FUT8: variants seen among roughly 807,000 people sequenced by gnomAD.
The protein encoded by FUT8 is fucosyltransferase 8.
A neutral mutation model predicts 71.3 loss-of-function variants in FUT8; 29 were observed. The ratio of observed to expected loss-of-function variants is 0.41; its 90% CI spans 0.30 to 0.55. The LOEUF (loss-of-function observed/expected upper bound fraction) is 0.55. Ranked by LOEUF, FUT8 falls within the 20% of genes least tolerant of loss-of-function variation. The pLI, the probability that FUT8 is intolerant of heterozygous loss-of-function variation, is 0.34. For synonymous variants in FUT8, 254 were observed against 239.3 expected, an observed-to-expected ratio of 1.06 and a Z score of -0.57; for missense variants, 544 against 702.1, an observed-to-expected ratio of 0.77 and a Z score of 2.55.
the FUT8 span, among the ~76,000 whole-genome samples, chr14:65,393,144 T>C: frequency 6.6e-6 from 1 of 152,318 alleles, no homozygotes; most frequent in East Asian, 1.9e-4. Context: ...CTGAGAGTTC[T>C]TGCTATGCTG....
At chr14:65,542,714 T>C (rs756567248) in intron 2 of FUT8, among the ~76,000 whole-genome samples, 7 of 152,232 alleles carry the variant, frequency 4.6e-5, no homozygotes, top group Non-Finnish European at 8.8e-5. Flanking sequence ...GAATCTATTG[T>C]TCTTTAGAAA....
At chr14:65,450,483 C>T (rs947278505) in intron 1 of FUT8, among the ~76,000 whole-genome samples, 9 of 152,108 alleles carry the variant, frequency 5.9e-5, no homozygotes, top group East Asian at 3.8e-4. Context: ...TTGTAACGTT[C>T]GACTGAATTC....
At chr14:65,454,905 G>T (rs540691086) in intron 1 of FUT8, among the ~76,000 whole-genome samples, 33 of 152,264 alleles carry the variant, frequency 2.2e-4, no homozygotes, top group African/African-American at 5.5e-4. Flanking sequence ...TAGGAGAAGG[G>T]CCCCTGATCA....
At chr14:65,421,747 C>CCCCCCCTT (rs57713947) in intron 1 of FUT8, among the ~76,000 whole-genome samples, 4 of 79,210 alleles carry the variant, frequency 5.0e-5, no homozygotes, top group African/African-American at 2.0e-4. Context: ...CCACCCCCCC[C>CCCCCCCTT]TTTTTTTTTT....
chr14:65,534,290 TTTTTA>T (rs1283139866), intron 2 of FUT8, among the ~76,000 whole-genome samples: 2 of 148,084 alleles, frequency 1.4e-5, no homozygotes, highest in African/African-American at 2.4e-5. Context: ...GCCTGGCTAA[TTTTTA>T]TTTTATTTTA....
intron 7 of FUT8, among the ~76,000 whole-genome samples, chr14:65,700,858 G>T (rs1219372023): frequency 6.6e-6 from 1 of 152,068 alleles, no homozygotes; most frequent in Non-Finnish European, 1.5e-5. Context: ...TCATTTGGGG[G>T]GATCACCACT....
At chr14:65,591,924 A>G (rs748127421) in intron 3 of FUT8, among the ~76,000 whole-genome samples, 9 of 151,668 alleles carry the variant, frequency 5.9e-5, no homozygotes, top group Non-Finnish European at 1.3e-4. Flanking sequence ...GGCAAGTCAC[A>G]TACTGTAACA....
chr14:65,522,872 T>C (rs9972252), intron 2 of FUT8, among the ~76,000 whole-genome samples: 1 of 152,162 alleles, frequency 6.6e-6, no homozygotes, highest in African/African-American at 2.4e-5. Context: ...GGTTTCCAGC[T>C]TCATCCACAT....
chr14:65,726,560 A>G (rs778669170), intron 9 of FUT8, among the ~76,000 whole-genome samples: 2 of 152,220 alleles, frequency 1.3e-5, no homozygotes, highest in East Asian at 1.9e-4. Context: ...CGAGAACACC[A>G]GGGGAAAGAT....
At chr14:65,632,330 CA>C (rs1404979685) in intron 6 of FUT8, among the ~76,000 whole-genome samples, 1 of 152,206 alleles carries the variant, frequency 6.6e-6, no homozygotes, top group African/African-American at 2.4e-5. Context: ...GTGCTAGTTA[CA>C]TTCCCACCAG....
intron 6 of FUT8, among the ~76,000 whole-genome samples, chr14:65,634,130 AG>A (rs1241936671): frequency 6.6e-6 from 1 of 152,082 alleles, no homozygotes; most frequent in African/African-American, 2.4e-5. Context: ...AAGGGGGGAA[AG>A]GTGGGGAAAA....
chr14:65,652,969 A>AT lies in FUT8; in HGVS notation c.598-16268dup, dbSNP rs1029174070. The stretch of plus-strand genomic sequence containing the variant: ...AGTATTGCAACTTCAAGGTAGTAGG[A>AT]TTTTTTACAAGGTAGCTGAGGGCTC... On this transcript the variant is annotated intron_variant, in intron 6 of 10. Transcript: ENST00000673929. This position sits in a 1 kb window ranked among gnomAD's most constrained non-coding sequence, Gnocchi z 4.0. Among the ~76,000 whole-genome samples, 2 of 152,228 alleles carry AT rather than the reference A, an allele frequency of 1.3e-5. No individual in the cohort carries two copies. Among genetic ancestry groups the AT allele is most frequent in the African/African-American group, 2.4e-5 (1 of 41,528 alleles).
intron 1 of FUT8, among the ~76,000 whole-genome samples, chr14:65,433,243 T>C (rs1346613963): frequency 6.6e-6 from 1 of 152,198 alleles, no homozygotes; most frequent in Non-Finnish European, 1.5e-5. Flanking sequence ...AGGTTCTCAT[T>C]ACCACTAACA....
At chr14:65,370,365 G>T in the FUT8 span, among the ~76,000 whole-genome samples, 1 of 151,644 alleles carries the variant, frequency 6.6e-6, no homozygotes, top group Non-Finnish European at 1.5e-5. Flanking sequence ...CTGCCACCAG[G>T]CCCGGCTAAT....
intron 3 of FUT8, among the ~76,000 whole-genome samples, chr14:65,613,158 A>G (rs1424165099): frequency 6.6e-6 from 1 of 152,142 alleles, no homozygotes; most frequent in Non-Finnish European, 1.5e-5. Flanking sequence ...AAAAGATCAC[A>G]TGCTATTTTT....
At chr14:65,682,825 T>A (rs991567149) in intron 7 of FUT8, among the ~76,000 whole-genome samples, 1 of 152,198 alleles carries the variant, frequency 6.6e-6, no homozygotes, top group African/African-American at 2.4e-5. Context: ...CTGATAGTTA[T>A]CTTGTATTTT....
At chr14:65,425,013 A>G (rs931116781) in intron 1 of FUT8, among the ~76,000 whole-genome samples, 4 of 151,980 alleles carry the variant, frequency 2.6e-5, no homozygotes, top group Non-Finnish European at 5.9e-5. Flanking sequence ...ATATTTTCAA[A>G]TTGTCACAAA....
chr14:65,704,330 T>C (rs992694745), intron 7 of FUT8, among the ~76,000 whole-genome samples: 17 of 122,900 alleles, frequency 1.4e-4, no homozygotes, highest in Admixed American at 1.2e-3. Flanking sequence ...AACTTAAGAG[T>C]GGAATTGTGA....
chr14:65,390,750 G>A, the FUT8 span, among the ~76,000 whole-genome samples: 2 of 142,898 alleles, frequency 1.4e-5, no homozygotes, highest in African/African-American at 5.2e-5. Context: ...TTGAGATGGA[G>A]TCTCGCTATG....
Sources: allele counts gnomAD v4.1 joint callset (sites outside exome capture counted in the v4.1 genomes callset), GRCh38; gene constraint gnomAD v4.1.1; non-coding constraint Gnocchi (gnomAD v3.1); transcripts MANE v1.5; gene names NCBI Gene and HGNC (gene_info 2026-07-23, HGNC 2026-07-21).